Variants in NCR1 observed in about 807,000 individuals in gnomAD.
The protein encoded by NCR1 is natural cytotoxicity triggering receptor 1, also known as NK cell-activating receptor.
NCR1 carries 30 observed loss-of-function variants against 32.5 expected under a neutral mutation model. The ratio of observed to expected loss-of-function variants is 0.92; its 90% CI spans 0.69 to 1.25. NCR1 has a LOEUF of 1.25. NCR1 is among the 50% of genes most tolerant of loss of function. The pLI is 0.00. For missense variants in NCR1, 369 were observed against 380.7 expected, an observed-to-expected ratio of 0.97 and a Z score of 0.26; for synonymous variants, 169 against 143.4, an observed-to-expected ratio of 1.18 and a Z score of -1.28.
At chr19:54,934,781 C>G in the NCR1 span, 29 of 755,138 alleles carry the variant, frequency 3.8e-5, no homozygotes, top group Non-Finnish European at 5.3e-5. The surrounding 1 kb of genome is among the most constrained non-coding windows in gnomAD (Gnocchi z 6.7). Flanking sequence ...GTGATCTCAC[C>G]TCACTGCAGC....
chr19:54,912,088 A>G, intron 5 of NCR1, 80 bp from the exon 6 acceptor site: 1 of 1,254,990 alleles, frequency 8.0e-7, no homozygotes, highest in Non-Finnish European at 1.2e-6. Context: ...GCAGAACGTC[A>G]TGGGGTAGAC....
chr19:54,906,491 C>T (rs201294153), intron 2 of NCR1, 32 bp from the exon 3 acceptor site: 172 of 1,600,110 alleles, frequency 1.1e-4, no homozygotes, highest in African/African-American at 3.6e-4. Context: ...GAGGGGGCTC[C>T]GCTGGAACTC....
the NCR1 span, among the ~76,000 whole-genome samples, chr19:54,931,456 G>A: frequency 6.6e-6 from 1 of 151,958 alleles, no homozygotes; most frequent in Admixed American, 6.6e-5. Flanking sequence ...TTGGGAGGCT[G>A]AGGCAGACAG....
the NCR1 span, chr19:54,923,720 G>A: frequency 2.1e-4 from 341 of 1,612,180 alleles, 2 homozygotes; most frequent in East Asian, 3.8e-4. Flanking sequence ...TGTGTAATTC[G>A]TAGAGCGATC....
At chr19:54,927,934 A>G in the NCR1 span, among the ~76,000 whole-genome samples, 4 of 152,316 alleles carry the variant, frequency 2.6e-5, no homozygotes, top group South Asian at 8.3e-4. Flanking sequence ...TCTACTAAAA[A>G]TACAAAGATT....
chr19:54,904,086 A>C (rs2067387379), upstream of NCR1, among the ~76,000 whole-genome samples: 1 of 146,128 alleles, frequency 6.8e-6, no homozygotes, highest in Non-Finnish European at 1.5e-5. Context: ...AGATCACACC[A>C]CTGCACCACA....
At chr19:54,925,972 C>A in the NCR1 span, among the ~76,000 whole-genome samples, 1 of 151,514 alleles carries the variant, frequency 6.6e-6, no homozygotes, top group East Asian at 1.9e-4. Context: ...TTCACTCCAG[C>A]CTGGGCGACA....
Position 54,906,207 on chromosome 19 carries a change from C to A in NCR1, c.20C>A (p.Ala7Asp). 2 of 1,614,198 alleles carry A rather than the reference C, an allele frequency of 1.2e-6. No homozygotes were observed. Among genetic ancestry groups the A allele is most frequent in the Non-Finnish European group, 1.7e-6 (2 of 1,180,042 alleles). MSSTLP[A>D]LLCVGLCLSQ... ...TGAGCGATGTCTTCCACACTCCCTG[C>A]CCTGCTCTGCGTCGGTGAGTTCTGG... Residue 7 changes from alanine to aspartate, a missense_variant, in exon 1 of 7, where the codon GCC becomes GAC. Coordinates refer to ENST00000291890, the MANE Select transcript of NCR1 (RefSeq NM_004829.7).
the NCR1 span, chr19:54,930,615 C>T: frequency 5.0e-6 from 8 of 1,611,870 alleles, no homozygotes; most frequent in South Asian, 2.2e-5. Flanking sequence ...CTTCTTGGAG[C>T]GCCTCTGAGA....
At chr19:54,929,699 T>C in the NCR1 span, among the ~76,000 whole-genome samples, 3 of 152,264 alleles carry the variant, frequency 2.0e-5, no homozygotes, top group East Asian at 3.9e-4. Context: ...GCCATTGTTA[T>C]ATATATTTCA....
chr19:54,920,952 T>G (rs555949995), downstream of NCR1, among the ~76,000 whole-genome samples: 22 of 151,984 alleles, frequency 1.4e-4, no homozygotes, highest in Non-Finnish European at 2.5e-4. Context: ...CACTCCAGCC[T>G]AGGCAACCAA....
intron 3 of NCR1, among the ~76,000 whole-genome samples, chr19:54,907,039 G>A (rs781637871): frequency 4.6e-5 from 7 of 152,094 alleles, no homozygotes; most frequent in African/African-American, 7.2e-5. Context: ...CAGATTCTGA[G>A]ATAGATATTT....
upstream of NCR1, among the ~76,000 whole-genome samples, chr19:54,903,375 CATGT>C (rs1199445020): frequency 1.1e-4 from 13 of 119,104 alleles, 1 homozygote; most frequent in Admixed American, 1.0e-3. Context: ...TGTATATATA[CATGT>C]ATGTATATAC....
chr19:54,903,778 C>CT (rs2067381354), upstream of NCR1, among the ~76,000 whole-genome samples: 1 of 151,494 alleles, frequency 6.6e-6, no homozygotes, highest in Admixed American at 6.6e-5. Context: ...ATCTTAACAA[C>CT]TTCTGCATAG....
intron 3 of NCR1, among the ~76,000 whole-genome samples, chr19:54,907,466 A>T (rs1456085875): frequency 7.5e-5 from 3 of 39,760 alleles, no homozygotes; most frequent in African/African-American, 1.9e-4. Context: ...GTGGTTTTCT[A>T]AAAAAAAAAA....
the NCR1 span, among the ~76,000 whole-genome samples, chr19:54,922,400 T>C: frequency 6.6e-4 from 101 of 152,052 alleles, no homozygotes; most frequent in Middle Eastern, 3.4e-3. Context: ...GCCATGGCAA[T>C]GGGAAGCCGA....
chr19:54,934,542 G>A, the NCR1 span: 1 of 1,614,112 alleles, frequency 6.2e-7, no homozygotes, highest in Non-Finnish European at 8.5e-7. This position sits in a 1 kb window ranked among gnomAD's most constrained non-coding sequence, Gnocchi z 6.7. Flanking sequence ...ACAGCAACAT[G>A]GCACCCTCAT....
At chr19:54,929,884 G>A in the NCR1 span, among the ~76,000 whole-genome samples, 2 of 152,052 alleles carry the variant, frequency 1.3e-5, no homozygotes, top group Admixed American at 1.3e-4. Flanking sequence ...GAAGGCCAAG[G>A]CGGGCAGATC....
chr19:54,903,331 T>C (rs1394283565), upstream of NCR1, among the ~76,000 whole-genome samples: 1,571 of 135,098 alleles, frequency 0.012, 11 homozygotes, highest in Non-Finnish European at 0.017. Flanking sequence ...TATATATACA[T>C]GTATGTATAT....
Sources: allele counts gnomAD v4.1 joint callset (sites outside exome capture counted in the v4.1 genomes callset), GRCh38; gene constraint gnomAD v4.1.1; non-coding constraint Gnocchi (gnomAD v3.1); transcripts MANE v1.5; gene names NCBI Gene and HGNC (gene_info 2026-07-23, HGNC 2026-07-21).